Variants in RAMACL observed in about 807,000 individuals in gnomAD.
RAMACL encodes the protein RNA guanine-N7 methyltransferase-activating subunit-like protein.
Under a neutral mutation model 13.4 loss-of-function variants are expected in RAMACL, and 9 were observed. The observed-to-expected ratio is 0.67, with a 90% CI of 0.41 to 1.17. RAMACL has a LOEUF of 1.17. RAMACL is among the 50% of genes most tolerant of loss of function. The pLI, the probability that RAMACL is intolerant of heterozygous loss-of-function variation, is 0.01. For synonymous variants in RAMACL, 39 were observed against 49.3 expected (o/e 0.79, Z 0.88); for missense variants, 124 against 141.6 (o/e 0.88, Z 0.63).
At chr6:166,583,646 T>C (rs1785087873), downstream of RAMACL, among the ~76,000 whole-genome samples, 1 of 152,180 alleles carries the variant, frequency 6.6e-6, no homozygotes, top group African/African-American at 2.4e-5. Context: ...CTAAGCCCAC[T>C]GAATTCCTGA....
chr6:166,584,036 A>T (rs1314667735), downstream of RAMACL, among the ~76,000 whole-genome samples: 2 of 152,350 alleles, frequency 1.3e-5, no homozygotes, highest in African/African-American at 4.8e-5. Context: ...AGGTTAATAA[A>T]TTTAAAATGC....
downstream of RAMACL, among the ~76,000 whole-genome samples, chr6:166,584,092 C>G (rs34545785): frequency 6.6e-5 from 10 of 152,232 alleles, no homozygotes; most frequent in Non-Finnish European, 1.5e-4. Flanking sequence ...GCTGCCATAA[C>G]AAAGTACTAT....
chr6:166,586,585 C>T (rs1785182637), exon 1 of RAMACL: 4 of 1,014,288 alleles, frequency 3.9e-6, no homozygotes, highest in Non-Finnish European at 5.6e-6. Context: ...GCCGGCGAGA[C>T]ACTGAGAAGC....
chr6:166,586,378 G>A, exon 1 of RAMACL: 2 of 1,599,694 alleles, frequency 1.3e-6, no homozygotes, highest in South Asian at 1.1e-5. Context: ...GGAGACTCAG[G>A]AGGGCGTTTC....
exon 1 of RAMACL, chr6:166,586,090 A>G: frequency 5.0e-6 from 6 of 1,202,420 alleles, no homozygotes; most frequent in Non-Finnish European, 6.7e-6. Context: ...AACAGAGTAA[A>G]TGCTTTTACT....
downstream of RAMACL, among the ~76,000 whole-genome samples, chr6:166,583,136 A>G (rs1301687916): frequency 6.6e-6 from 1 of 152,246 alleles, no homozygotes; most frequent in Non-Finnish European, 1.5e-5. Context: ...TCGCATTCGC[A>G]TACTTTTCAA....
chr6:166,586,574 C>T (rs1033398716), exon 1 of RAMACL: 17 of 1,186,512 alleles, frequency 1.4e-5, no homozygotes, highest in South Asian at 5.9e-5. Context: ...GGCCGAACCC[C>T]GCCGGCGAGA....
downstream of RAMACL, among the ~76,000 whole-genome samples, chr6:166,585,498 C>CTT (rs58153048): frequency 0.093 from 8,015 of 86,212 alleles, 475 homozygotes; most frequent in Middle Eastern, 0.13. Context: ...TCAAACAAGT[C>CTT]TTTTTTTTTT....
At chr6:166,586,502 C>T in exon 1 of RAMACL, 2 of 1,585,916 alleles carry the variant, frequency 1.3e-6, no homozygotes, top group Non-Finnish European at 1.7e-6. Context: ...AGGTTTGAGG[C>T]AGCTGTATTG....
downstream of RAMACL, among the ~76,000 whole-genome samples, chr6:166,583,659 G>C (rs544078336): frequency 6.6e-6 from 1 of 152,302 alleles, no homozygotes; most frequent in East Asian, 1.9e-4. Context: ...ATTCCTGAGT[G>C]CTTATTAAAG....
chr6:166,586,519 G>C (rs1583303123), exon 1 of RAMACL: 1 of 1,557,774 alleles, frequency 6.4e-7, no homozygotes, highest in Non-Finnish European at 8.7e-7. Context: ...ATTGCTTAAT[G>C]TTTAGGTTGT....
At chr6:166,586,457 A>T in exon 1 of RAMACL, 1 of 1,598,986 alleles carries the variant, frequency 6.3e-7, no homozygotes, top group South Asian at 1.1e-5. Flanking sequence ...AATTTGGAAC[A>T]GCTTCGGCAG....
downstream of RAMACL, among the ~76,000 whole-genome samples, chr6:166,584,407 T>G (rs535335945): frequency 6.6e-6 from 1 of 152,326 alleles, no homozygotes; most frequent in East Asian, 1.9e-4. Flanking sequence ...AATGTGAACA[T>G]GGAGGGATAC....
downstream of RAMACL, among the ~76,000 whole-genome samples, chr6:166,585,111 C>G (rs796601443): frequency 6.6e-6 from 1 of 152,096 alleles, no homozygotes. Flanking sequence ...GCAGGAAGCT[C>G]GAGTTTCAAA....
chr6:166,586,402 A>T (rs1459820524), exon 1 of RAMACL: 2 of 1,599,438 alleles, frequency 1.3e-6, no homozygotes, highest in Non-Finnish European at 1.7e-6. Flanking sequence ...TATTCCTGAT[A>T]CTCCTTGTCA....
downstream of RAMACL, among the ~76,000 whole-genome samples, chr6:166,583,513 C>T (rs746432066): frequency 3.3e-5 from 5 of 152,166 alleles, no homozygotes; most frequent in African/African-American, 4.8e-5. Flanking sequence ...CTGGCCAGGC[C>T]GTGCTGAAAC....
chr6:166,583,564 G>T (rs565403586), downstream of RAMACL, among the ~76,000 whole-genome samples: 5 of 152,344 alleles, frequency 3.3e-5, no homozygotes, highest in East Asian at 9.6e-4. Flanking sequence ...CCCACCCACT[G>T]TCCAGAGGTG....
downstream of RAMACL, among the ~76,000 whole-genome samples, chr6:166,585,498 C>CTTTTTTTTTTT (rs58153048): frequency 9.4e-4 from 81 of 86,246 alleles, no homozygotes; most frequent in East Asian, 2.3e-3. Flanking sequence ...TCAAACAAGT[C>CTTTTTTTTTTT]TTTTTTTTTT....
At chr6:166,583,955 T>G (rs1785096430), downstream of RAMACL, among the ~76,000 whole-genome samples, 2 of 152,234 alleles carry the variant, frequency 1.3e-5, no homozygotes, top group African/African-American at 4.8e-5. Flanking sequence ...AGTGACCCTC[T>G]AAGGGTCAAC....
Sources: gnomAD v4.1 joint callset for allele counts (sites outside exome capture counted in the v4.1 genomes callset) on GRCh38, gnomAD v4.1.1 for gene constraint, MANE v1.5 for transcripts, NCBI Gene and HGNC (gene_info 2026-07-23, HGNC 2026-07-21) for gene names.